The following IL16 variants were observed in gnomAD, a reference collection of about 807,000 sequenced individuals.
IL16 encodes the protein interleukin 16.
A neutral mutation model predicts 110.1 loss-of-function variants in IL16; 67 were observed. That is an observed-to-expected ratio of 0.61 (90% confidence interval 0.50 to 0.75). The LOEUF (loss-of-function observed/expected upper bound fraction) is 0.75, where lower values mean the gene tolerates loss of function less well. IL16 is among the 30% of genes least tolerant of loss of function. The pLI is 0.00. For missense variants in IL16, 1,545 were observed against 1,655.0 expected, an observed-to-expected ratio of 0.93 and a Z score of 1.15; for synonymous variants, 689 against 662.9, an observed-to-expected ratio of 1.04 and a Z score of -0.61.
chr15:81,223,131 A>G (rs1896674469), intron 1 of IL16, among the ~76,000 whole-genome samples: 1 of 152,120 alleles, frequency 6.6e-6, no homozygotes, highest in East Asian at 1.9e-4. Flanking sequence ...TTAACCAAGC[A>G]GATTTGGCCT....
intron 10 of IL16, chr15:81,290,133 C>T (rs532490246): frequency 3.3e-4 from 129 of 395,516 alleles, no homozygotes; most frequent in African/African-American, 2.1e-3. Flanking sequence ...TTGCCAAGAA[C>T]GGACTAGCTC....
Position 81,313,317 on chromosome 15 carries a change from G to A in IL16, c.*4519G>A. 6.3e-7 allele frequency: 1 copy of A among 1,578,914 alleles called. No individual in the cohort carries two copies. ...GGCATAAAACCGGGTCATGCTGCGG[G>A]GGAAGAAGGAGTCCACCACGTTCTG... On this transcript the variant is annotated 3_prime_UTR_variant, in exon 19 of 19. Transcript: ENST00000683961.
rs1899421068 is a variant in IL16 at position 81,285,779 on chromosome 15, C to T, written c.1281C>T (p.His427=). 1 of 1,614,174 alleles carries T rather than the reference C, an allele frequency of 6.2e-7. No individual in the cohort carries two copies. The change falls in exon 10 of 19, where the codon CAC becomes CAT. Residue 427 remains histidine, a synonymous_variant. Coordinates refer to ENST00000683961, the MANE Select transcript of IL16 (RefSeq NM_172217.5). ...ATGAAGTCTACACGATCCTGAGTCA[C>T]TGTGATCCCGGTCCAGTCCCCATCA... The part of the protein sequence containing the change: ...TLNEVYTILS[H]CDPGPVPIIV...
At chr15:81,280,757 G>T (rs1211625643) in intron 8 of IL16, among the ~76,000 whole-genome samples, 1 of 152,216 alleles carries the variant, frequency 6.6e-6, no homozygotes, top group Non-Finnish European at 1.5e-5. Context: ...GGCCTCAGAT[G>T]CCTCTGTATG....
At chr15:81,210,386 A>G (rs2337355) in intron 1 of IL16, among the ~76,000 whole-genome samples, 14,302 of 152,198 alleles carry the variant, frequency 0.094, 2,204 homozygotes, top group African/African-American at 0.33. Context: ...TAGTTTTTCT[A>G]ATTCTGTGAA....
At chr15:81,249,621 T>C (rs1290949212) in intron 2 of IL16, among the ~76,000 whole-genome samples, 3 of 152,234 alleles carry the variant, frequency 2.0e-5, no homozygotes, top group Non-Finnish European at 4.4e-5. Flanking sequence ...TAAAATCTTC[T>C]ATATGTTTTA....
chr15:81,224,325 C>G (rs910169214), intron 1 of IL16, among the ~76,000 whole-genome samples: 1 of 152,236 alleles, frequency 6.6e-6, no homozygotes, highest in South Asian at 2.1e-4. Context: ...CACAGCCTCT[C>G]TTTTGTGGCT....
intron 1 of IL16, among the ~76,000 whole-genome samples, chr15:81,197,893 C>T (rs934752513): frequency 6.6e-6 from 1 of 152,020 alleles, no homozygotes; most frequent in Non-Finnish European, 1.5e-5. Flanking sequence ...ACAAAGACGA[C>T]CCCTTTGTCC....
intron 2 of IL16, among the ~76,000 whole-genome samples, chr15:81,232,077 T>G (rs112724456): frequency 0.067 from 9,076 of 135,560 alleles, 559 homozygotes; most frequent in African/African-American, 0.21. Flanking sequence ...CTTTTTTTTT[T>G]CACATTTGTT....
intron 3 of IL16, among the ~76,000 whole-genome samples, chr15:81,264,352 CCT>C (rs762812245): frequency 8.1e-4 from 123 of 152,306 alleles, no homozygotes; most frequent in Admixed American, 1.4e-3. Context: ...TGGACCAAAA[CCT>C]CTCCCTTCTT....
At position 81,197,116 on chromosome 15, in the gene IL16, C is replaced by T. The variant is rs1437941534; in HGVS notation, c.-138C>T. ...GAGAGGAGCAAGGGAGATGGCAGCC[C>T]CGGGGGACTGTGCATAGGGAGGTAG... is the stretch of plus-strand genomic sequence containing the variant. On this transcript the variant is annotated 5_prime_UTR_variant, in exon 1 of 19. Transcript: ENST00000683961. The T allele has an allele frequency of 7.8e-7, 1 of 1,288,806 alleles. No individual in the cohort carries two copies. Among genetic ancestry groups the T allele is most frequent in the Non-Finnish European group, 1.0e-6 (1 of 988,496 alleles). The allele number at this position is 1,288,806 out of a possible 1,614,324, so 79.8% of individuals were successfully genotyped here.
At chr15:81,204,751 A>T (rs1362615213) in intron 1 of IL16, among the ~76,000 whole-genome samples, 1 of 126,624 alleles carries the variant, frequency 7.9e-6, no homozygotes, top group South Asian at 2.8e-4. Flanking sequence ...AACAAAATTA[A>T]AAAAAAAAAA....
intron 2 of IL16, 144 bp downstream of exon 2, chr15:81,225,855 G>A (rs1370722446): frequency 2.1e-5 from 15 of 725,260 alleles, no homozygotes; most frequent in Middle Eastern, 3.9e-4. Context: ...TTGAGGCAGG[G>A]CCCACTGGAA....
chr15:81,266,637 C>T (rs191601492), intron 4 of IL16, among the ~76,000 whole-genome samples: 1 of 152,348 alleles, frequency 6.6e-6, no homozygotes, highest in Admixed American at 6.5e-5. Context: ...CCCTCCTTCT[C>T]TGATCTCTAT....
At chr15:81,183,551 C>T (rs757806549) in intron 1 of IL16, among the ~76,000 whole-genome samples, 4 of 152,206 alleles carry the variant, frequency 2.6e-5, no homozygotes, top group Admixed American at 6.5e-5. Flanking sequence ...TTAACACTGG[C>T]GAAACTTCAG....
At chr15:81,197,463 G>A (rs1313193365) in intron 1 of IL16, among the ~76,000 whole-genome samples, 2 of 152,138 alleles carry the variant, frequency 1.3e-5, no homozygotes, top group African/African-American at 4.8e-5. Context: ...TTTCAGCCTC[G>A]TCTCATCCTT....
intron 6 of IL16, 69 bp downstream of exon 6, chr15:81,273,273 A>G (rs1235615970): frequency 2.5e-6 from 3 of 1,180,314 alleles, no homozygotes; most frequent in Admixed American, 2.1e-5. Flanking sequence ...TGCTGGGGCC[A>G]TAGAAGATGT....
intron 4 of IL16, among the ~76,000 whole-genome samples, chr15:81,267,791 C>T (rs908366742): frequency 1.2e-4 from 19 of 152,210 alleles, no homozygotes; most frequent in African/African-American, 4.6e-4. Flanking sequence ...ACGAAGGATG[C>T]TTTCTAACTC....
chr15:81,258,742 TCTCTCTGTCACTCG>T (rs1362737774), intron 2 of IL16, among the ~76,000 whole-genome samples: 1 of 150,300 alleles, frequency 6.7e-6, no homozygotes, highest in East Asian at 1.9e-4. Flanking sequence ...TCTCTCTCTC[TCTCTCTGTCACTCG>T]CTCTCTCTCT....
Sources: gnomAD v4.1 joint callset for allele counts (sites outside exome capture counted in the v4.1 genomes callset) on GRCh38, gnomAD v4.1.1 for gene constraint, MANE v1.5 for transcripts, NCBI Gene and HGNC (gene_info 2026-07-23, HGNC 2026-07-21) for gene names.